SBF2: variants seen among roughly 807,000 people sequenced by gnomAD.
SBF2 encodes myotubularin-related protein 13.
A neutral mutation model predicts 225.2 loss-of-function variants in SBF2; 112 were observed. That is an observed-to-expected ratio of 0.50 (90% CI 0.43 to 0.58). SBF2 has a LOEUF of 0.58. Among genes scored for constraint, SBF2 ranks in the 20% least tolerant of loss-of-function variants. The pLI is 0.00. For synonymous variants in SBF2, 763 were observed against 773.3 expected, an observed-to-expected ratio of 0.99 and a Z score of 0.22; for missense variants, 1,996 against 2,206.2, an observed-to-expected ratio of 0.90 and a Z score of 1.91.
intron 39 of SBF2, 45 bp downstream of exon 39, chr11:9,781,462 T>C: frequency 1.2e-6 from 2 of 1,612,816 alleles, no homozygotes; most frequent in Non-Finnish European, 1.7e-6. Context: ...ACAGACAGAA[T>C]GATGTGCAGA....
chr11:10,118,572 T>C (rs1451753961), intron 2 of SBF2, among the ~76,000 whole-genome samples: 2 of 152,132 alleles, frequency 1.3e-5, no homozygotes, highest in Non-Finnish European at 2.9e-5. Flanking sequence ...ATTTAAATTC[T>C]ATAATAAATA....
At chr11:10,186,698 G>A (rs1272826373) in intron 2 of SBF2, among the ~76,000 whole-genome samples, 2 of 152,144 alleles carry the variant, frequency 1.3e-5, no homozygotes, top group East Asian at 1.9e-4. Flanking sequence ...CCCACTGGGG[G>A]TGAAAGTTCC....
At chr11:9,874,414 C>G (rs987029878) in intron 17 of SBF2, among the ~76,000 whole-genome samples, 10 of 152,036 alleles carry the variant, frequency 6.6e-5, no homozygotes, top group African/African-American at 2.4e-4. Context: ...ATCAGAGATA[C>G]AAAAAGCAAA....
At chr11:9,916,038 C>A (rs1348260158) in intron 16 of SBF2, among the ~76,000 whole-genome samples, 1 of 152,016 alleles carries the variant, frequency 6.6e-6, no homozygotes, top group Non-Finnish European at 1.5e-5. Flanking sequence ...TACTCCAGCC[C>A]AAGTGACAGA....
At chr11:9,791,974 C>T (rs1451309864) in intron 33 of SBF2, among the ~76,000 whole-genome samples, 1 of 152,202 alleles carries the variant, frequency 6.6e-6, no homozygotes, top group Non-Finnish European at 1.5e-5. Flanking sequence ...CTTAGGGCAA[C>T]ATGTACACAT....
At chr11:10,222,405 A>G (rs1489484758) in intron 1 of SBF2, among the ~76,000 whole-genome samples, 4 of 151,274 alleles carry the variant, frequency 2.6e-5, no homozygotes, top group South Asian at 2.1e-4. Flanking sequence ...ACAACACAAC[A>G]AGTTTGAAAA....
chr11:9,847,167 G>A, intron 22 of SBF2, 84 bp from the exon 23 acceptor site: 3 of 1,529,864 alleles, frequency 2.0e-6, no homozygotes, highest in Non-Finnish European at 2.7e-6. Flanking sequence ...ATCAGTCTCT[G>A]CTAGAGAAAT....
Position 10,070,097 on chromosome 11 carries a change from T to G in SBF2, c.142-27116A>C, listed in dbSNP as rs575568742. On this transcript the variant is annotated intron_variant, in intron 2 of 39. Transcript: ENST00000256190. ...GTAGACTGCAAAATTTTTCTCCCAT[T>G]CTGTAGGTTGCCTGTTCACTCTGAT... is the stretch of plus-strand genomic sequence containing the variant. 5.3e-5 allele frequency among the ~76,000 whole-genome samples: 8 copies of G among 152,284 alleles called. No individual in the cohort carries two copies. In the East Asian group the frequency reaches 1.5e-3, roughly 29 times the overall value.
chr11:10,258,798 A>C (rs546108711), intron 1 of SBF2, among the ~76,000 whole-genome samples: 8 of 151,258 alleles, frequency 5.3e-5, no homozygotes, highest in African/African-American at 1.9e-4. Flanking sequence ...TTGGGCAAAT[A>C]AGATATATCT....
At chr11:10,072,070 T>C (rs1950903885) in intron 2 of SBF2, among the ~76,000 whole-genome samples, 1 of 152,242 alleles carries the variant, frequency 6.6e-6, no homozygotes, top group Admixed American at 6.5e-5. Flanking sequence ...TGCATTTACA[T>C]ACACATGTAT....
In SBF2 at chr11:9,888,289, G is replaced by A. The variant is rs190534517; in HGVS notation, c.1929+7654C>T. Among the ~76,000 whole-genome samples, 387 of 152,260 alleles carry A rather than the reference G, an allele frequency of 2.5e-3. 1 individual carries two copies. The highest frequency in any genetic ancestry group is 8.8e-3 in the African/African-American group (365 of 41,552). On this transcript the variant is annotated intron_variant, in intron 17 of 39. Transcript: ENST00000256190. ...AAGGGGGAGGATCACTTGAGCCCAG[G>A]AGTTTGAGACCAGCCTGGGCAATAC...
intron 5 of SBF2, 91 bp downstream of exon 5, chr11:10,029,674 T>A: frequency 2.1e-6 from 2 of 942,860 alleles, no homozygotes; most frequent in Middle Eastern, 2.4e-4. Flanking sequence ...ATTTAAAGAA[T>A]TATTTCTTTC....
chr11:9,886,458 A>T (rs1381407417), intron 17 of SBF2, among the ~76,000 whole-genome samples: 4 of 152,166 alleles, frequency 2.6e-5, no homozygotes, highest in Admixed American at 6.5e-5. Context: ...AGCTGGACTT[A>T]TCTTTCAAGT....
chr11:10,282,459 A>G (rs755444216), intron 1 of SBF2, among the ~76,000 whole-genome samples: 3 of 152,014 alleles, frequency 2.0e-5, no homozygotes, highest in Non-Finnish European at 4.4e-5. Context: ...TCACATGTCT[A>G]AACACCTAAA....
At chr11:9,797,089 C>T (rs577111674) in intron 32 of SBF2, among the ~76,000 whole-genome samples, 5 of 152,298 alleles carry the variant, frequency 3.3e-5, no homozygotes, top group Admixed American at 3.3e-4. Context: ...AAAGCTGGTT[C>T]AAATTAACAC....
At chr11:10,217,109 A>C (rs1958161607) in intron 1 of SBF2, among the ~76,000 whole-genome samples, 1 of 152,242 alleles carries the variant, frequency 6.6e-6, no homozygotes, top group Non-Finnish European at 1.5e-5. Flanking sequence ...GTAATAAAGT[A>C]TCCTCTAGAC....
intron 2 of SBF2, among the ~76,000 whole-genome samples, chr11:10,169,364 T>C (rs1956099354): frequency 6.6e-6 from 1 of 152,110 alleles, no homozygotes; most frequent in African/African-American, 2.4e-5. Flanking sequence ...CTGGTAACCA[T>C]CCTTCTTCTC....
intron 23 of SBF2, among the ~76,000 whole-genome samples, chr11:9,846,223 G>A (rs575343838): frequency 6.6e-6 from 1 of 152,308 alleles, no homozygotes; most frequent in South Asian, 2.1e-4. Context: ...GCTTTCAGGT[G>A]ATGAGAGAAG....
Position 9,895,979 on chromosome 11 carries a change from G to C in SBF2, c.1893C>G (p.Ala631=), listed in dbSNP as rs760154688. ...DCSSLEEYNI[A]AALLPLTSAF... ...CACTGGTCAAAGGGAGTAATGCTGCGGCAATGTTGTATTCTTCTAAACTTG... is the reference window on the plus strand; with the variant it reads ...CACTGGTCAAAGGGAGTAATGCTGCCGCAATGTTGTATTCTTCTAAACTTG... Residue 631 remains alanine, a synonymous_variant, in exon 17 of 40, where the codon GCC becomes GCG. Transcript: ENST00000256190. The C allele has an allele frequency of 6.2e-7, 1 of 1,613,178 alleles. No individual in the cohort carries two copies. Among genetic ancestry groups the C allele is most frequent in the Non-Finnish European group, 8.5e-7 (1 of 1,179,394 alleles).
Sources: gnomAD v4.1 joint callset for allele counts (sites outside exome capture counted in the v4.1 genomes callset) on GRCh38, gnomAD v4.1.1 for gene constraint, MANE v1.5 for transcripts, NCBI Gene and HGNC (gene_info 2026-07-23, HGNC 2026-07-21) for gene names.